USP24: variants seen among roughly 807,000 people sequenced by gnomAD.
The protein encoded by USP24 is ubiquitin specific peptidase 24.
In USP24, 97 loss-of-function variants were observed where a neutral mutation model predicts 361.6. The observed-to-expected ratio is 0.27, with a 90% CI of 0.23 to 0.32. The LOEUF (loss-of-function observed/expected upper bound fraction) is 0.32. USP24 is among the 10% of genes least tolerant of loss of function. USP24 has a pLI of 1.00. For missense variants in USP24, 2,353 were observed against 3,165.6 expected, an observed-to-expected ratio of 0.74 and a Z score of 6.16; for synonymous variants, 1,098 against 1,124.6, an observed-to-expected ratio of 0.98 and a Z score of 0.47.
chr1:55,161,320 C>T lies in USP24; in HGVS notation c.993+879G>A, dbSNP rs536196579. ...CTGGGAGACAGAGGTTGCAGTGAGCCGAGATCACACCACTGCTCTCCAGCC... is the reference window on the plus strand; with the variant it reads ...CTGGGAGACAGAGGTTGCAGTGAGCTGAGATCACACCACTGCTCTCCAGCC... On this transcript the variant is annotated intron_variant, in intron 8 of 67. Transcript: ENST00000294383. 7.4e-5 allele frequency among the ~76,000 whole-genome samples: 11 copies of T among 149,128 alleles called. No homozygotes were observed. The East Asian group carries it at 1.4e-3, about 19-fold the overall frequency.
chr1:55,172,667 T>A, intron 3 of USP24, 147 bp from the exon 4 acceptor site: 1 of 795,642 alleles, frequency 1.3e-6, no homozygotes, highest in Non-Finnish European at 1.8e-6. Flanking sequence ...CCCATAGCTG[T>A]AGTTCATCTA....
intron 1 of USP24, among the ~76,000 whole-genome samples, chr1:55,199,501 G>A (rs1162883644): frequency 6.6e-6 from 1 of 152,010 alleles, no homozygotes; most frequent in Non-Finnish European, 1.5e-5. Flanking sequence ...TCTGTAGAAT[G>A]TCTTTGTCCT....
rs370322525 is a variant in USP24 at position 55,095,294 on chromosome 1, C to T, written c.6164G>A (p.Arg2055Gln). 3.1e-6 allele frequency: 5 copies of T among 1,613,558 alleles called. No homozygotes were observed. The highest frequency in any genetic ancestry group is 2.7e-5 in the African/African-American group (2 of 74,932). ...AGCTTCCTGCCGTACAACGCTGACT[C>T]GACTTTTCTTTGGTAATACTGGGGA... is the stretch of plus-strand genomic sequence containing the variant. ...QNSPVLPKKS[R>Q]VSVVRQEAED... The change falls in exon 51 of 68, where the codon CGA (arginine) becomes CAA (glutamine). Residue 2055 changes from arginine (R) to glutamine (Q), a missense_variant. By Grantham distance (43) the Arg-to-Gln change is conservative (BLOSUM62 1). Transcript: ENST00000294383.
At chr1:55,176,516 T>C (rs923027091) in intron 2 of USP24, 73 bp from the exon 3 acceptor site, 8 of 1,358,498 alleles carry the variant, frequency 5.9e-6, no homozygotes, top group South Asian at 1.3e-5. Flanking sequence ...ATGAATGAAA[T>C]AATACACGTT....
At chr1:55,206,428 G>A (rs1006971988) in intron 1 of USP24, among the ~76,000 whole-genome samples, 11 of 152,152 alleles carry the variant, frequency 7.2e-5, no homozygotes, top group African/African-American at 1.9e-4. Flanking sequence ...ATATCAGGGA[G>A]TAGGAATAAG....
intron 1 of USP24, among the ~76,000 whole-genome samples, chr1:55,214,516 G>T (rs1261597377): frequency 1.3e-5 from 2 of 151,892 alleles, no homozygotes; most frequent in Non-Finnish European, 2.9e-5. Context: ...GGAAGCCTAA[G>T]GGACCCCTCC....
intron 59 of USP24, 119 bp from the exon 60 acceptor site, chr1:55,079,778 A>ACT (rs1206467354): frequency 9.0e-6 from 12 of 1,339,658 alleles, no homozygotes; most frequent in Middle Eastern, 2.3e-4. Flanking sequence ...GTACTCTCAC[A>ACT]GAGTACTCAC....
At chr1:55,196,838 T>C (rs550463327) in intron 1 of USP24, among the ~76,000 whole-genome samples, 58 of 152,356 alleles carry the variant, frequency 3.8e-4, no homozygotes, top group African/African-American at 1.2e-3. Context: ...CCTCTGCCCG[T>C]TGAGTTCCAG....
rs117044951 is a variant in USP24 at position 55,134,657 on chromosome 1, C to A, written c.3202-244G>T. Among the ~76,000 whole-genome samples, 170 of 152,214 alleles carry A rather than the reference C, an allele frequency of 1.1e-3. No homozygotes were observed. In the East Asian group the frequency reaches 0.022, roughly 19 times the overall value. On this transcript the variant is annotated intron_variant, in intron 28 of 67. Coordinates refer to ENST00000294383, the MANE Select transcript of USP24 (RefSeq NM_015306.3). ...TCCTGGCCACCTGCTAGTGAAGGGA[C>A]TAAGGTGCCAAAAGGCAGGCACAGT...
At position 55,213,587 on chromosome 1, in the gene USP24, C is replaced by A. The variant is rs577183193; in HGVS notation, c.324+1203G>T. ...TCGTATCTCTACCTAATAACGCAAT[C>A]CCAATAATTTGAGATCTGTGCTTTT... On this transcript the variant is annotated intron_variant, in intron 1 of 67. Coordinates refer to ENST00000294383, the MANE Select transcript of USP24 (RefSeq NM_015306.3). Among the ~76,000 whole-genome samples, 4 of 152,310 alleles carry A rather than the reference C, an allele frequency of 2.6e-5. No individual in the cohort carries two copies. In the East Asian group the frequency reaches 5.8e-4, roughly 22 times the overall value.
chr1:55,182,560 T>C (rs1644006769), intron 1 of USP24, among the ~76,000 whole-genome samples: 1 of 152,130 alleles, frequency 6.6e-6, no homozygotes, highest in Non-Finnish European at 1.5e-5. Flanking sequence ...CAAATGTACC[T>C]AGCAGATATT....
chr1:55,144,112 G>A lies in USP24; in HGVS notation c.2439+15C>T. 1 of 1,583,350 alleles carries A rather than the reference G, an allele frequency of 6.3e-7. No individual in the cohort carries two copies. The highest frequency in any genetic ancestry group is 1.2e-5 in the South Asian group (1 of 85,374). Reference sequence around the variant, plus strand: ...GATTATCCAAACTATCTAGATTTGAGAATAACGTACTTACCAACTGAGCTC... The same window carrying A: ...GATTATCCAAACTATCTAGATTTGAAAATAACGTACTTACCAACTGAGCTC... On this transcript the variant is annotated intron_variant, in intron 21 of 67. Transcript: ENST00000294383.
chr1:55,199,446 AC>A (rs1297277675), intron 1 of USP24, among the ~76,000 whole-genome samples: 4 of 152,234 alleles, frequency 2.6e-5, no homozygotes, highest in Non-Finnish European at 5.9e-5. Context: ...GACAATATTA[AC>A]GTATTAATGT....
chr1:55,096,730 T>C, intron 49 of USP24, 108 bp from the exon 50 acceptor site: 1 of 1,464,872 alleles, frequency 6.8e-7, no homozygotes, highest in Non-Finnish European at 9.2e-7. Context: ...TGTTTACCAT[T>C]TGAAAATATC....
chr1:55,158,741 A>T, intron 10 of USP24, 137 bp downstream of exon 10: 1 of 778,172 alleles, frequency 1.3e-6, no homozygotes, highest in Non-Finnish European at 1.8e-6. Flanking sequence ...ACAACATTTT[A>T]TACACAATCA....
chr1:55,182,076 G>A (rs766396513), intron 1 of USP24, among the ~76,000 whole-genome samples: 4 of 152,008 alleles, frequency 2.6e-5, no homozygotes, highest in African/African-American at 7.2e-5. Flanking sequence ...TTTTTGAGAC[G>A]GAGTCTCGCT....
intron 1 of USP24, among the ~76,000 whole-genome samples, chr1:55,196,956 C>T (rs1043106002): frequency 1.1e-4 from 16 of 152,176 alleles, no homozygotes; most frequent in South Asian, 4.1e-4. Flanking sequence ...AAAGTAGAGC[C>T]CACTGCCTGT....
intron 63 of USP24, 128 bp from the exon 64 acceptor site, chr1:55,074,034 T>A: frequency 1.8e-6 from 1 of 560,374 alleles, no homozygotes; most frequent in Admixed American, 3.4e-5. Flanking sequence ...ACAACTTAAC[T>A]AAAAGCATGG....
At chr1:55,081,921 T>G (rs1645156631) in intron 58 of USP24, among the ~76,000 whole-genome samples, 1 of 152,256 alleles carries the variant, frequency 6.6e-6, no homozygotes, top group African/African-American at 2.4e-5. Flanking sequence ...ATAGTATTAA[T>G]TATACATGCA....
Sources: gnomAD v4.1 joint callset for allele counts (sites outside exome capture counted in the v4.1 genomes callset) on GRCh38, gnomAD v4.1.1 for gene constraint, MANE v1.5 for transcripts, NCBI Gene and HGNC (gene_info 2026-07-23, HGNC 2026-07-21) for gene names.